The following GAB4 variants were observed in gnomAD, a reference collection of about 807,000 sequenced individuals.
GAB4 encodes the protein GRB2 associated binding protein family member 4.
GAB4 carries 26 observed loss-of-function variants against 51.3 expected under a neutral mutation model. The ratio of observed to expected loss-of-function variants is 0.51; its 90% CI spans 0.37 to 0.70. GAB4 has a LOEUF of 0.70. GAB4 is among the 30% of genes least tolerant of loss of function. The pLI, the probability that GAB4 is intolerant of heterozygous loss-of-function variation, is 0.00. For synonymous variants in GAB4, 329 were observed against 291.2 expected, an observed-to-expected ratio of 1.13 and a Z score of -1.32; for missense variants, 759 against 734.6, an observed-to-expected ratio of 1.03 and a Z score of -0.38.
chr22:17,002,745 G>A (rs2061007810), intron 1 of GAB4, among the ~76,000 whole-genome samples: 1 of 152,128 alleles, frequency 6.6e-6, no homozygotes. Context: ...GTTAATGGGT[G>A]CAGCACACCA....
At chr22:16,978,872 T>C (rs918398675) in intron 3 of GAB4, among the ~76,000 whole-genome samples, 8 of 152,146 alleles carry the variant, frequency 5.3e-5, no homozygotes, top group African/African-American at 1.9e-4. Context: ...CAAGGCTGGT[T>C]CAACATACGA....
intron 1 of GAB4, among the ~76,000 whole-genome samples, chr22:17,000,192 C>T (rs1018991202): frequency 1.4e-4 from 22 of 152,054 alleles, no homozygotes; most frequent in African/African-American, 4.6e-4. Flanking sequence ...TTCCTGGATA[C>T]CTTTGTTAAT....
chr22:16,969,303 G>A (rs777474189), intron 4 of GAB4, among the ~76,000 whole-genome samples: 7 of 152,138 alleles, frequency 4.6e-5, no homozygotes, highest in South Asian at 2.1e-4. Flanking sequence ...GTCTTTACTC[G>A]GATTTAAACA....
chr22:17,007,442 T>C (rs1413288848), intron 1 of GAB4, among the ~76,000 whole-genome samples: 3 of 148,228 alleles, frequency 2.0e-5, no homozygotes, highest in Admixed American at 6.7e-5. Context: ...GGGTGCGAGG[T>C]GCCCGCGTTT....
chr22:16,988,118 T>G lies in GAB4; in HGVS notation c.528A>C (p.Pro176=). ...SSASHGLCSS[P]AEPSCSHQHL... ...GCTGATGGGAGCAGCTGGGCTCAGC[T>G]GGAGAAGAGCAGAGGCCGTGACTGG... Residue 176 remains proline, a synonymous_variant, in exon 3 of 10, where the codon CCA becomes CCC. Coordinates refer to ENST00000400588, the MANE Select transcript of GAB4 (RefSeq NM_001037814.1). 1.2e-6 allele frequency: 2 copies of G among 1,612,558 alleles called. No individual in the cohort carries two copies. The highest frequency in any genetic ancestry group is 1.7e-6 in the Non-Finnish European group (2 of 1,179,266).
intron 1 of GAB4, among the ~76,000 whole-genome samples, chr22:17,006,787 C>G (rs1489426769): frequency 3.9e-5 from 6 of 152,160 alleles, no homozygotes; most frequent in African/African-American, 1.4e-4. Context: ...TGTTCTCACT[C>G]ATAAGTGGCA....
intron 2 of GAB4, among the ~76,000 whole-genome samples, chr22:16,991,090 T>C (rs1479986564): frequency 6.6e-6 from 1 of 152,150 alleles, no homozygotes; most frequent in Admixed American, 6.5e-5. Context: ...GGACCCTTGC[T>C]ACTCAAAATG....
At chr22:16,973,557 T>A (rs926065861) in intron 3 of GAB4, among the ~76,000 whole-genome samples, 1 of 152,096 alleles carries the variant, frequency 6.6e-6, no homozygotes, top group African/African-American at 2.4e-5. Context: ...CATCCCTGGG[T>A]GTATATGCCT....
intron 1 of GAB4, among the ~76,000 whole-genome samples, chr22:17,003,667 C>A (rs2061016418): frequency 1.3e-5 from 2 of 152,082 alleles, no homozygotes. Context: ...ATCTCTGGGA[C>A]ACAGCTAAAG....
chr22:16,998,763 T>C (rs907937576), intron 1 of GAB4, among the ~76,000 whole-genome samples: 2 of 152,216 alleles, frequency 1.3e-5, no homozygotes, highest in African/African-American at 4.8e-5. Flanking sequence ...GCCCATTCAG[T>C]ATGATATTGG....
chr22:16,984,754 T>G (rs955923163), intron 3 of GAB4, among the ~76,000 whole-genome samples: 6 of 152,342 alleles, frequency 3.9e-5, no homozygotes, highest in Non-Finnish European at 7.3e-5. Context: ...TCTACACACA[T>G]GTAGCTCAAG....
intron 3 of GAB4, 81 bp from the exon 4 acceptor site, chr22:16,970,274 G>A: frequency 6.8e-7 from 1 of 1,475,900 alleles, no homozygotes; most frequent in Middle Eastern, 1.8e-4. Context: ...GAAGTTCACA[G>A]CCCAATGTAG....
chr22:16,991,246 T>C (rs1601280547), intron 2 of GAB4, among the ~76,000 whole-genome samples: 1 of 149,258 alleles, frequency 6.7e-6, no homozygotes, highest in Non-Finnish European at 1.5e-5. Context: ...TTTACAAATG[T>C]CCCTCCTTAA....
At chr22:16,977,021 G>A (rs1470348089) in intron 3 of GAB4, among the ~76,000 whole-genome samples, 1 of 152,124 alleles carries the variant, frequency 6.6e-6, no homozygotes, top group Non-Finnish European at 1.5e-5. Context: ...CCTGAAGGAA[G>A]CACTAAACAT....
intron 1 of GAB4, among the ~76,000 whole-genome samples, chr22:17,002,505 C>A (rs1480115690): frequency 6.6e-6 from 1 of 151,870 alleles, no homozygotes; most frequent in Non-Finnish European, 1.5e-5. Context: ...ATGTAAAGAC[C>A]ACCGACAGGA....
At chr22:16,964,977 G>T in intron 7 of GAB4, 115 bp from the exon 8 acceptor site, 2 of 819,008 alleles carry the variant, frequency 2.4e-6, no homozygotes, top group Non-Finnish European at 4.0e-6. Context: ...ACTGTTACCA[G>T]ATCAAGAACT....
In GAB4 at chr22:16,971,653, G is replaced by A. The variant is rs866636595; in HGVS notation, c.687-1460C>T. Among the ~76,000 whole-genome samples the A allele has an allele frequency of 6.6e-5, 10 of 152,300 alleles. 1 individual carries two copies. In the Middle Eastern group the frequency reaches 0.01, roughly 155 times the overall value. On this transcript the variant is annotated intron_variant, in intron 3 of 9. Coordinates refer to ENST00000400588, the MANE Select transcript of GAB4 (RefSeq NM_001037814.1). The stretch of plus-strand genomic sequence containing the variant: ...AGCTCTTGGGGTGTCTCCCCAGAAT[G>A]AGGCATGTCTCACACACATGCACAT...
chr22:16,969,890 G>A, intron 4 of GAB4, 53 bp downstream of exon 4: 1 of 1,605,676 alleles, frequency 6.2e-7, no homozygotes, highest in Non-Finnish European at 8.5e-7. Flanking sequence ...TCACCAGGTG[G>A]CCCCCAAACT....
At chr22:16,977,529 G>C (rs1346211943) in intron 3 of GAB4, among the ~76,000 whole-genome samples, 1 of 152,132 alleles carries the variant, frequency 6.6e-6, no homozygotes, top group East Asian at 1.9e-4. Context: ...CATAAAGCAA[G>C]TTCTTCTGGA....
Sources: allele counts gnomAD v4.1 joint callset (sites outside exome capture counted in the v4.1 genomes callset), GRCh38; gene constraint gnomAD v4.1.1; transcripts MANE v1.5; gene names NCBI Gene and HGNC (gene_info 2026-07-23, HGNC 2026-07-21).